WASF3: variants seen among roughly 807,000 people sequenced by gnomAD.
WASF3 encodes WASP family member 3, also known as actin-binding protein WASF3.
A neutral mutation model predicts 46.6 loss-of-function variants in WASF3; 11 were observed. The ratio of observed to expected loss-of-function variants is 0.24; its 90% CI spans 0.15 to 0.39. WASF3 has a LOEUF of 0.39. Ranked by LOEUF, WASF3 falls within the 10% of genes least tolerant of loss-of-function variation. The pLI is 1.00. For synonymous variants in WASF3, 242 were observed against 259.7 expected (o/e 0.93, Z 0.65); for missense variants, 576 against 669.8 (o/e 0.86, Z 1.55).
chr13:26,675,646 A>ATGTGTGTGTGTG (rs1463519379), intron 6 of WASF3, among the ~76,000 whole-genome samples: 1 of 70,854 alleles, frequency 1.4e-5, no homozygotes, highest in Non-Finnish European at 2.8e-5. Context: ...CACAGATGCC[A>ATGTGTGTGTGTG]TGTCTGTGTG....
intron 1 of WASF3, among the ~76,000 whole-genome samples, chr13:26,600,993 A>C (rs543557170): frequency 2.2e-4 from 34 of 152,194 alleles, no homozygotes; most frequent in African/African-American, 7.2e-4. Context: ...TATATAGTAG[A>C]TAGAGCCATG....
chr13:26,597,584 A>T (rs1261629075), intron 1 of WASF3, among the ~76,000 whole-genome samples: 1 of 152,006 alleles, frequency 6.6e-6, no homozygotes, highest in African/African-American at 2.4e-5. Flanking sequence ...TGCACCCATT[A>T]ACTTGTCATT....
At chr13:26,667,984 A>T (rs1426128763) in intron 5 of WASF3, among the ~76,000 whole-genome samples, 2 of 152,172 alleles carry the variant, frequency 1.3e-5, no homozygotes, top group East Asian at 3.9e-4. Flanking sequence ...GTGTGTGGTT[A>T]TGTTGTTGTT....
Position 26,676,546 on chromosome 13 carries a change from C to G in WASF3, c.541-3C>G. ...ATGCTCTCTTTCCTTTCCTGGACATCAGGAGCAAAAGCGTATAGATGGCAC... is the reference window on the plus strand; with the variant it reads ...ATGCTCTCTTTCCTTTCCTGGACATGAGGAGCAAAAGCGTATAGATGGCAC... On this transcript the variant is annotated splice_region_variant and splice_polypyrimidine_tract_variant and intron_variant, in intron 6 of 9. Coordinates refer to ENST00000335327, the MANE Select transcript of WASF3 (RefSeq NM_006646.6). The G allele has an allele frequency of 6.2e-7, 1 of 1,612,558 alleles. No homozygotes were observed. The highest frequency in any genetic ancestry group is 2.2e-5 in the East Asian group (1 of 44,844).
At chr13:26,669,157 T>C (rs1417698446) in intron 5 of WASF3, among the ~76,000 whole-genome samples, 6 of 151,020 alleles carry the variant, frequency 4.0e-5, no homozygotes, top group Non-Finnish European at 8.9e-5. Flanking sequence ...CACATATATA[T>C]GTGTGTGTGT....
intron 2 of WASF3, among the ~76,000 whole-genome samples, chr13:26,635,701 A>G (rs573221027): frequency 2.6e-4 from 40 of 152,244 alleles, no homozygotes; most frequent in African/African-American, 7.9e-4. Context: ...GTTGATGTTG[A>G]TGCTATTCCT....
chr13:26,674,328 GATT>G (rs1883002579), intron 6 of WASF3, among the ~76,000 whole-genome samples: 1 of 152,116 alleles, frequency 6.6e-6, no homozygotes, highest in Non-Finnish European at 1.5e-5. Context: ...GCCGAGAAGC[GATT>G]ATTCATTATT....
chr13:26,574,867 C>T (rs1159624318), intron 1 of WASF3, among the ~76,000 whole-genome samples: 26 of 148,330 alleles, frequency 1.8e-4, no homozygotes, highest in Non-Finnish European at 3.7e-4. Context: ...GATGGAGTCT[C>T]GCTGTGTCAC....
chr13:26,688,242 A>T lies in WASF3; in HGVS notation c.*2397A>T, dbSNP rs1349723807. Reference sequence around the variant, plus strand: ...TATTACAATGAAAAGAATAAAGAGAAGATTTGAATTTTCAGTTTCATTTTC... The same window carrying T: ...TATTACAATGAAAAGAATAAAGAGATGATTTGAATTTTCAGTTTCATTTTC... On this transcript the variant is annotated 3_prime_UTR_variant, in exon 10 of 10. Coordinates refer to ENST00000335327, the MANE Select transcript of WASF3 (RefSeq NM_006646.6). 1 of 152,256 alleles carries T rather than the reference A, an allele frequency of 6.6e-6. No homozygotes were observed. Among genetic ancestry groups the T allele is most frequent in the Non-Finnish European group, 1.5e-5 (1 of 68,046 alleles). 9.4% of individuals were successfully genotyped at this position (152,256 alleles called of 1,614,324 possible).
intron 1 of WASF3, among the ~76,000 whole-genome samples, chr13:26,578,113 C>T (rs1241498183): frequency 6.6e-6 from 1 of 152,140 alleles, no homozygotes; most frequent in Non-Finnish European, 1.5e-5. Flanking sequence ...CTCCTCCTTT[C>T]CCCCCTTCTT....
At chr13:26,590,818 A>G (rs1880269270) in intron 1 of WASF3, among the ~76,000 whole-genome samples, 1 of 152,206 alleles carries the variant, frequency 6.6e-6, no homozygotes, top group Non-Finnish European at 1.5e-5. Flanking sequence ...GCCCTCACAA[A>G]GCTGACATTT....
chr13:26,660,011 G>C (rs1882577748), intron 3 of WASF3, among the ~76,000 whole-genome samples: 1 of 152,092 alleles, frequency 6.6e-6, no homozygotes, highest in Admixed American at 6.5e-5. Flanking sequence ...CAGCATAGAG[G>C]AAGTGTTTAC....
At chr13:26,656,593 A>C (rs1217457683) in intron 3 of WASF3, among the ~76,000 whole-genome samples, 2 of 152,092 alleles carry the variant, frequency 1.3e-5, no homozygotes, top group Non-Finnish European at 2.9e-5. Context: ...CCTGGTAATA[A>C]ACCTTCCCAA....
At chr13:26,562,643 A>G (rs960825841) in intron 1 of WASF3, among the ~76,000 whole-genome samples, 1 of 151,950 alleles carries the variant, frequency 6.6e-6, no homozygotes, top group Admixed American at 6.6e-5. Flanking sequence ...CCCACTAGAT[A>G]GCGGTTTCAG....
In WASF3 at chr13:26,617,797, GGA is replaced by G. The variant is rs139432206; in HGVS notation, c.-11+4744_-11+4745del. Among the ~76,000 whole-genome samples, 1,358 of 152,232 alleles carry G rather than the reference GGA, an allele frequency of 8.9e-3. 10 individuals carry two copies. The highest frequency in any genetic ancestry group is 0.017 in the Middle Eastern group (5 of 294). ...GTCCCCATAATCCCTACGTGTCAAG[GGA>G]GAGACCAGGTGGAGGTAATTGAATC... is the stretch of plus-strand genomic sequence containing the variant. On this transcript the variant is annotated intron_variant, in intron 2 of 9. Transcript: ENST00000335327.
At chr13:26,543,534 G>T in the WASF3 span, among the ~76,000 whole-genome samples, 4 of 152,126 alleles carry the variant, frequency 2.6e-5, no homozygotes, top group Non-Finnish European at 4.4e-5. Flanking sequence ...CTAAATTTCA[G>T]ATCTTAAAGA....
chr13:26,561,051 CAGG>C (rs1041347473), intron 1 of WASF3, among the ~76,000 whole-genome samples: 3 of 151,994 alleles, frequency 2.0e-5, no homozygotes, highest in Non-Finnish European at 4.4e-5. Flanking sequence ...CCACAAACAC[CAGG>C]AGTTCAGTCC....
rs987798173 is a variant in WASF3, at chr13:26,667,819, G to T, written c.422+149G>T. On this transcript the variant is annotated intron_variant, in intron 5 of 9. Coordinates refer to ENST00000335327, the MANE Select transcript of WASF3 (RefSeq NM_006646.6). ...GCTTCAAACTTTGAAAATAATGATT[G>T]AATTATATACAATGAAACTACTCAT... 3 of 706,110 alleles carry T rather than the reference G, an allele frequency of 4.2e-6. No individual in the cohort carries two copies. In the East Asian group the frequency reaches 8.7e-5, roughly 20 times the overall value. The allele number at this position is 706,110 out of a possible 1,614,324, so 43.7% of individuals were successfully genotyped here. A position where few individuals can be genotyped will look rare whatever the true frequency, so the allele number is the denominator to read the frequency against.
rs531703898 is a variant in WASF3 at position 26,679,086 on chromosome 13, G to A, written c.717-1968G>A. Among the ~76,000 whole-genome samples the A allele has an allele frequency of 6.8e-4, 103 of 150,604 alleles. No individual in the cohort carries two copies. Among genetic ancestry groups the A allele is most frequent in the African/African-American group, 1.6e-3 (65 of 40,792 alleles). On this transcript the variant is annotated intron_variant, in intron 7 of 9. Coordinates refer to ENST00000335327, the MANE Select transcript of WASF3 (RefSeq NM_006646.6). This position sits in a 1 kb window ranked among gnomAD's most constrained non-coding sequence, Gnocchi z 4.8. ...CGGCCCTCCCAGTCCTCTTCCTCCC[G>A]TGTCAGTGTCGCCTCTGGCCCTCCC...
Sources: gnomAD v4.1 joint callset for allele counts (sites outside exome capture counted in the v4.1 genomes callset) on GRCh38, gnomAD v4.1.1 for gene constraint, Gnocchi (gnomAD v3.1) non-coding constraint, MANE v1.5 for transcripts, NCBI Gene and HGNC (gene_info 2026-07-23, HGNC 2026-07-21) for gene names.